Variants in MAPKAP1 observed in about 807,000 individuals in gnomAD.
The protein encoded by MAPKAP1 is MAPK associated protein 1, also known as target of rapamycin complex 2 subunit MAPKAP1.
A neutral mutation model predicts 65.7 loss-of-function variants in MAPKAP1; 20 were observed. The observed-to-expected ratio is 0.30, with a 90% confidence interval of 0.21 to 0.44. MAPKAP1 has a LOEUF of 0.44. Among genes scored for constraint, MAPKAP1 ranks in the 20% least tolerant of loss-of-function variants. The probability of loss-of-function intolerance (pLI) is 1.00; values close to 1 mark genes in which losing one functional copy is unlikely to be tolerated. For synonymous variants in MAPKAP1, 222 were observed against 244.3 expected (o/e 0.91, Z 0.85); for missense variants, 423 against 648.0 (o/e 0.65, Z 3.77).
chr9:125,656,974 A>G lies in MAPKAP1; in HGVS notation c.498+677T>C, dbSNP rs76851732. Among the ~76,000 whole-genome samples, 357 of 152,292 alleles carry G rather than the reference A, an allele frequency of 2.3e-3. 7 individuals carry two copies. The East Asian group carries it at 0.045, about 19-fold the overall frequency. On this transcript the variant is annotated intron_variant, in intron 4 of 11. Transcript: ENST00000265960. The stretch of plus-strand genomic sequence containing the variant: ...GCAAACTTAGCACAAACAGGCAAAA[A>G]ACAAAGTTAGCCTCCATAGCAAGTG...
chr9:125,606,096 T>C (rs1832431481), intron 4 of MAPKAP1, among the ~76,000 whole-genome samples: 1 of 152,126 alleles, frequency 6.6e-6, no homozygotes, highest in Admixed American at 6.5e-5. Flanking sequence ...GAAATAATTT[T>C]TAGTGCCAGA....
At chr9:125,514,342 C>T (rs758507631) in intron 7 of MAPKAP1, among the ~76,000 whole-genome samples, 3 of 152,160 alleles carry the variant, frequency 2.0e-5, no homozygotes, top group South Asian at 2.1e-4. Flanking sequence ...CAAGCTGCCT[C>T]GCTGCCTCCC....
At chr9:125,452,385 C>G (rs1852989087) in intron 10 of MAPKAP1, among the ~76,000 whole-genome samples, 1 of 152,096 alleles carries the variant, frequency 6.6e-6, no homozygotes, top group Non-Finnish European at 1.5e-5. Flanking sequence ...AGGCGTGAGC[C>G]ACTACGCCTG....
At chr9:125,473,462 C>T (rs1853998555) in intron 9 of MAPKAP1, among the ~76,000 whole-genome samples, 1 of 152,170 alleles carries the variant, frequency 6.6e-6, no homozygotes, top group South Asian at 2.1e-4. Context: ...CTGTCAAAGG[C>T]AGAAAACATT....
At position 125,444,581 on chromosome 9, in the gene MAPKAP1, G is replaced by A; in HGVS notation, c.1363C>T (p.Leu455Phe). ...TAGTCGTGATTGCTTAGATACGTGA[G>A]TTTAAATATTGCGTGACCTGCAGAG... The part of the protein sequence containing the change: ...EKSPSHAIFK[L>F]TYLSNHDYKH... The change falls in exon 11 of 12, where the codon CTC (leucine) becomes TTC (phenylalanine). Residue 455 changes from leucine to phenylalanine, a missense_variant. Physicochemically the swap from Leu to Phe is conservative, Grantham distance 22. Around this residue, in one of 6 missense-constraint regions of MAPKAP1, gnomAD observed 185 missense variants for 268.1 expected, o/e 0.69. Coordinates refer to ENST00000265960, the MANE Select transcript of MAPKAP1 (RefSeq NM_001006617.3). 1.2e-6 allele frequency: 2 copies of A among 1,613,404 alleles called. No homozygotes were observed. Among genetic ancestry groups the A allele is most frequent in the Non-Finnish European group, 1.7e-6 (2 of 1,179,502 alleles).
chr9:125,438,357 T>C lies in MAPKAP1; in HGVS notation c.*530A>G, dbSNP rs1054898442. On this transcript the variant is annotated 3_prime_UTR_variant, in exon 12 of 12. Coordinates refer to ENST00000265960, the MANE Select transcript of MAPKAP1 (RefSeq NM_001006617.3). ...TTGACTAAGACCTAAACATTTCTTC[T>C]GAGAAATCGAACCATAGCTTTTCCA... 8 of 399,112 alleles carry C rather than the reference T, an allele frequency of 2.0e-5. No homozygotes were observed. Among genetic ancestry groups the C allele is most frequent in the African/African-American group, 1.6e-4 (8 of 48,620 alleles). The allele number at this position is 399,112 out of a possible 1,614,324, so 24.7% of individuals were successfully genotyped here.
chr9:125,468,147 A>G, intron 9 of MAPKAP1, 38 bp from the exon 10 acceptor site: 3 of 1,605,078 alleles, frequency 1.9e-6, no homozygotes, highest in South Asian at 1.1e-5. Flanking sequence ...AAAACACAAG[A>G]AGTAGAAGGT....
chr9:125,445,175 C>G (rs1338844502), intron 10 of MAPKAP1, among the ~76,000 whole-genome samples: 1 of 152,182 alleles, frequency 6.6e-6, no homozygotes, highest in Non-Finnish European at 1.5e-5. Flanking sequence ...GTGGGCACCT[C>G]ACAAAGCGAC....
At chr9:125,441,217 C>G (rs1852469542) in intron 11 of MAPKAP1, among the ~76,000 whole-genome samples, 1 of 152,156 alleles carries the variant, frequency 6.6e-6, no homozygotes, top group Non-Finnish European at 1.5e-5. Flanking sequence ...CGAGAAGAAC[C>G]TGATTTGAAG....
At chr9:125,656,993 G>C (rs1834051056) in intron 4 of MAPKAP1, among the ~76,000 whole-genome samples, 1 of 152,124 alleles carries the variant, frequency 6.6e-6, no homozygotes, top group Non-Finnish European at 1.5e-5. Context: ...AGCCTCCATA[G>C]CAAGTGTCAA....
At chr9:125,676,483 G>A (rs1411594) in intron 1 of MAPKAP1, among the ~76,000 whole-genome samples, 138,598 of 152,230 alleles carry the variant, frequency 0.91, 64,393 homozygotes, top group East Asian at 1. Context: ...ACATTGATGA[G>A]CCCTGAGAAC....
chr9:125,597,089 T>C (rs184881814), intron 4 of MAPKAP1, among the ~76,000 whole-genome samples: 2,388 of 151,270 alleles, frequency 0.016, 26 homozygotes, highest in Middle Eastern at 0.045. Context: ...AGTGAAACCC[T>C]GTCTCTACTA....
chr9:125,451,877 T>G (rs1417844229), intron 10 of MAPKAP1, among the ~76,000 whole-genome samples: 1 of 149,322 alleles, frequency 6.7e-6, no homozygotes, highest in Non-Finnish European at 1.5e-5. Context: ...TGGCGCGATC[T>G]CAGCTCACTG....
chr9:125,566,523 C>T (rs932772692), intron 5 of MAPKAP1, among the ~76,000 whole-genome samples: 2 of 151,952 alleles, frequency 1.3e-5, no homozygotes, highest in East Asian at 3.9e-4. Context: ...GCGATTGCAC[C>T]CCTGCAGCAG....
intron 5 of MAPKAP1, among the ~76,000 whole-genome samples, chr9:125,561,321 T>C (rs1830886155): frequency 6.6e-6 from 1 of 152,228 alleles, no homozygotes; most frequent in Admixed American, 6.5e-5. Context: ...TCAGGCGATC[T>C]ATACTCAGTG....
chr9:125,477,232 C>A (rs1854143982), intron 9 of MAPKAP1, among the ~76,000 whole-genome samples: 1 of 152,156 alleles, frequency 6.6e-6, no homozygotes, highest in Non-Finnish European at 1.5e-5. Flanking sequence ...TTCATGGTAT[C>A]TTACGTGTTC....
rs112536087 is a variant in MAPKAP1 at position 125,491,775 on chromosome 9, C to CA, written c.1067-7193dup. On this transcript the variant is annotated intron_variant, in intron 8 of 11. Coordinates refer to ENST00000265960, the MANE Select transcript of MAPKAP1 (RefSeq NM_001006617.3). ...TAGCCTTGTGACAGAGACCCTATCT[C>CA]AAAAAAAACCAAAAAAACAAAAAAA... 1.8e-3 allele frequency among the ~76,000 whole-genome samples: 263 copies of CA among 144,930 alleles called. 2 individuals are homozygous for CA. The highest frequency in any genetic ancestry group is 6.4e-3 in the African/African-American group (252 of 39,184).
intron 7 of MAPKAP1, among the ~76,000 whole-genome samples, chr9:125,515,169 T>G (rs892546570): frequency 6.6e-6 from 1 of 152,096 alleles, no homozygotes; most frequent in Non-Finnish European, 1.5e-5. Context: ...CACCATTTGC[T>G]CTCTGTGAAA....
intron 1 of MAPKAP1, among the ~76,000 whole-genome samples, chr9:125,698,311 ATATATATAT>A (rs1564622519): frequency 1.9e-5 from 1 of 52,448 alleles, no homozygotes; most frequent in Non-Finnish European, 3.9e-5. Context: ...ATATATATAT[ATATATATAT>A]ATATATATAT....
Sources: allele counts gnomAD v4.1 joint callset (sites outside exome capture counted in the v4.1 genomes callset), GRCh38; gene constraint gnomAD v4.1.1; regional missense constraint gnomAD v4.1.1; transcripts MANE v1.5; gene names NCBI Gene and HGNC (gene_info 2026-07-23, HGNC 2026-07-21).